The following DLG2 variants were observed in gnomAD, a reference collection of about 807,000 sequenced individuals.
DLG2 encodes discs large MAGUK scaffold protein 2, also known as disks large homolog 2.
Under a neutral mutation model 132.5 loss-of-function variants are expected in DLG2, and 45 were observed. The observed-to-expected ratio is 0.34, with a 90% CI of 0.27 to 0.44. The LOEUF (loss-of-function observed/expected upper bound fraction) is 0.44. DLG2 is among the 20% of genes least tolerant of loss of function. The pLI, the probability that DLG2 is intolerant of heterozygous loss-of-function variation, is 1.00. For missense variants in DLG2, 1,045 were observed against 1,196.9 expected (o/e 0.87, Z 1.87); for synonymous variants, 424 against 419.6 (o/e 1.01, Z -0.13).
intron 7 of DLG2, among the ~76,000 whole-genome samples, chr11:84,433,220 A>G (rs376148274): frequency 6.6e-6 from 1 of 152,216 alleles, no homozygotes; most frequent in African/African-American, 2.4e-5. Flanking sequence ...ATAAATATAA[A>G]AATTAAAACA....
At chr11:84,477,865 A>G (rs932985769) in intron 7 of DLG2, among the ~76,000 whole-genome samples, 2 of 152,214 alleles carry the variant, frequency 1.3e-5, no homozygotes, top group Admixed American at 1.3e-4. Flanking sequence ...GCCAGGTGGC[A>G]GTATTAGTGG....
intron 4 of DLG2, among the ~76,000 whole-genome samples, chr11:85,245,635 TA>T (rs2076095753): frequency 6.6e-6 from 1 of 151,978 alleles, no homozygotes; most frequent in South Asian, 2.1e-4. Flanking sequence ...GAAATCATGA[TA>T]AAAGATGTCA....
intron 6 of DLG2, among the ~76,000 whole-genome samples, chr11:84,674,780 T>A (rs1450212234): frequency 6.6e-6 from 1 of 152,158 alleles, no homozygotes; most frequent in Non-Finnish European, 1.5e-5. Flanking sequence ...AAATATGTAC[T>A]TACTACTTTT....
At position 85,270,905 on chromosome 11, in the gene DLG2, G is replaced by T. The variant is rs145652638; in HGVS notation, c.186+14315C>A. 1.6e-4 allele frequency among the ~76,000 whole-genome samples: 25 copies of T among 152,284 alleles called. No individual in the cohort carries two copies. In the East Asian group the frequency reaches 4.6e-3, roughly 28 times the overall value. Reference sequence around the variant, plus strand: ...TATACAGTATTATAAGGGAAGCAGAGTATGAAAGTTTGGAAAATTTGCAGC... The same window carrying T: ...TATACAGTATTATAAGGGAAGCAGATTATGAAAGTTTGGAAAATTTGCAGC... On this transcript the variant is annotated intron_variant, in intron 4 of 27. Transcript: ENST00000376104.
chr11:84,579,916 T>C (rs1211880003), intron 6 of DLG2, among the ~76,000 whole-genome samples: 2 of 152,166 alleles, frequency 1.3e-5, no homozygotes, highest in African/African-American at 4.8e-5. Context: ...GAGAATGAGA[T>C]GTCTGGGATA....
intron 6 of DLG2, among the ~76,000 whole-genome samples, chr11:84,593,084 A>T (rs577392757): frequency 2.5e-4 from 38 of 149,270 alleles, no homozygotes; most frequent in African/African-American, 9.1e-4. Flanking sequence ...GTGCCACTGC[A>T]CTCCAGCCTG....
chr11:83,774,583 T>C (rs1247973822), intron 18 of DLG2, among the ~76,000 whole-genome samples: 1 of 152,074 alleles, frequency 6.6e-6, no homozygotes, highest in African/African-American at 2.4e-5. Flanking sequence ...TCTTCCTATA[T>C]TTCAGGCCCA....
rs529550755 is a variant in DLG2 at position 84,389,983 on chromosome 11, T to C, written c.520-138692A>G. 1.1e-3 allele frequency among the ~76,000 whole-genome samples: 167 copies of C among 152,302 alleles called. 1 individual carries two copies. The highest frequency in any genetic ancestry group is 1.9e-3 in the Non-Finnish European group (132 of 68,018). ...TTATGACTTAGCAGTATCATTTAGG[T>C]ATATATGTTCAATATGAATATTCAG... On this transcript the variant is annotated intron_variant, in intron 7 of 27. Coordinates refer to ENST00000376104, the MANE Select transcript of DLG2 (RefSeq NM_001142699.3).
intron 6 of DLG2, among the ~76,000 whole-genome samples, chr11:84,617,905 A>G (rs919009529): frequency 6.6e-6 from 1 of 152,116 alleles, no homozygotes; most frequent in Admixed American, 6.6e-5. Context: ...AAAAATAGGT[A>G]AAAACAGTCA....
At chr11:84,901,254 T>C (rs1004765813) in intron 6 of DLG2, among the ~76,000 whole-genome samples, 1 of 152,046 alleles carries the variant, frequency 6.6e-6, no homozygotes, top group Non-Finnish European at 1.5e-5. Flanking sequence ...GTAGTAGTCA[T>C]TGAGAATCTT....
rs534762856 is a variant in DLG2, at chr11:84,966,113, G to C, written c.357+145548C>G. Among the ~76,000 whole-genome samples the C allele has an allele frequency of 4.0e-5, 6 of 151,836 alleles. 1 individual carries two copies. The highest frequency in any genetic ancestry group is 7.4e-5 in the Non-Finnish European group (5 of 67,934). On this transcript the variant is annotated intron_variant, in intron 6 of 27. Coordinates refer to ENST00000376104, the MANE Select transcript of DLG2 (RefSeq NM_001142699.3). ...GGTGTATGTTGTATACTATCTAGTA[G>C]CAAGAGTAAAGGTTACTCTTCTTTC...
At chr11:84,948,324 T>C (rs1034863844) in intron 6 of DLG2, among the ~76,000 whole-genome samples, 1 of 152,250 alleles carries the variant, frequency 6.6e-6, no homozygotes, top group Admixed American at 6.5e-5. Context: ...TAGCTTCTTT[T>C]TTTTTGAAAG....
intron 6 of DLG2, among the ~76,000 whole-genome samples, chr11:84,957,430 A>T (rs1421677353): frequency 3.9e-5 from 6 of 152,240 alleles, no homozygotes; most frequent in African/African-American, 1.4e-4. Context: ...AGAAAACAAA[A>T]GAACACTTTA....
At chr11:85,619,253 C>T (rs1359024556) in intron 2 of DLG2, among the ~76,000 whole-genome samples, 1 of 152,128 alleles carries the variant, frequency 6.6e-6, no homozygotes, top group Non-Finnish European at 1.5e-5. Flanking sequence ...TCACAGCTCA[C>T]TGCAGTCTCA....
chr11:84,439,855 T>C (rs1191014319), intron 7 of DLG2, among the ~76,000 whole-genome samples: 3 of 152,202 alleles, frequency 2.0e-5, no homozygotes, highest in African/African-American at 7.2e-5. Context: ...TTTTAACACC[T>C]TAGACAGAAT....
At chr11:85,615,118 A>G (rs1247572119) in intron 2 of DLG2, among the ~76,000 whole-genome samples, 2 of 152,226 alleles carry the variant, frequency 1.3e-5, no homozygotes, top group African/African-American at 4.8e-5. Context: ...CGGTAAATTT[A>G]TATCTCTCCT....
intron 3 of DLG2, among the ~76,000 whole-genome samples, chr11:85,438,958 T>C (rs1045176369): frequency 1.3e-5 from 2 of 152,208 alleles, no homozygotes; most frequent in African/African-American, 4.8e-5. Context: ...CCTTTTTGTT[T>C]TGGCTTTTTC....
chr11:84,225,257 CTAATA>C (rs2096974176), intron 8 of DLG2, among the ~76,000 whole-genome samples: 4 of 152,184 alleles, frequency 2.6e-5, no homozygotes. Flanking sequence ...TTGAGAGCTT[CTAATA>C]TGTTTTCTAT....
intron 6 of DLG2, among the ~76,000 whole-genome samples, chr11:85,030,910 A>G (rs978185565): frequency 2.6e-5 from 4 of 151,956 alleles, no homozygotes; most frequent in African/African-American, 9.7e-5. Flanking sequence ...TTTCCTCTGA[A>G]TGAACTTTTA....
Sources: gnomAD v4.1 joint callset for allele counts (sites outside exome capture counted in the v4.1 genomes callset) on GRCh38, gnomAD v4.1.1 for gene constraint, MANE v1.5 for transcripts, NCBI Gene and HGNC (gene_info 2026-07-23, HGNC 2026-07-21) for gene names.